Variants in PUM1 observed in about 807,000 individuals in gnomAD.
PUM1 encodes the protein pumilio RNA binding family member 1.
A neutral mutation model predicts 131.8 loss-of-function variants in PUM1; 13 were observed. The ratio of observed to expected loss-of-function variants is 0.10; its 90% CI spans 0.06 to 0.16. PUM1 has a LOEUF of 0.16. Among genes scored for constraint, PUM1 ranks in the 10% least tolerant of loss-of-function variants. The probability of loss-of-function intolerance (pLI) is 1.00; values close to 1 mark genes in which losing one functional copy is unlikely to be tolerated. For missense variants in PUM1, 961 were observed against 1,512.4 expected, an observed-to-expected ratio of 0.64 and a Z score of 6.05; for synonymous variants, 509 against 556.5, an observed-to-expected ratio of 0.91 and a Z score of 1.20.
At chr1:30,939,234 T>TC (rs1639348068) in intron 20 of PUM1, among the ~76,000 whole-genome samples, 1 of 152,210 alleles carries the variant, frequency 6.6e-6, no homozygotes, top group Non-Finnish European at 1.5e-5. Context: ...AGAAGTGCCC[T>TC]CCACTCCTGT....
chr1:30,958,870 T>A (rs1478240357), intron 14 of PUM1, among the ~76,000 whole-genome samples: 1 of 152,162 alleles, frequency 6.6e-6, no homozygotes, highest in Non-Finnish European at 1.5e-5. Context: ...AAATAAATAC[T>A]TGCAACATCT....
chr1:31,057,730 A>T (rs886513286), intron 2 of PUM1, among the ~76,000 whole-genome samples: 22 of 151,058 alleles, frequency 1.5e-4, no homozygotes, highest in Admixed American at 9.2e-4. Context: ...ATCTCAAAAA[A>T]AAAAAAAAAA....
intron 2 of PUM1, among the ~76,000 whole-genome samples, chr1:31,048,739 G>A (rs1328018084): frequency 6.6e-6 from 1 of 151,952 alleles, no homozygotes; most frequent in Non-Finnish European, 1.5e-5. Context: ...CTCCCAAAGT[G>A]CTGCGATTAC....
At chr1:31,048,482 ATTTT>A (rs1004083689) in intron 2 of PUM1, among the ~76,000 whole-genome samples, 1 of 141,678 alleles carries the variant, frequency 7.1e-6, no homozygotes, top group Non-Finnish European at 1.6e-5. Flanking sequence ...TATTTTTTTT[ATTTT>A]TTTTTTGAGA....
intron 9 of PUM1, among the ~76,000 whole-genome samples, chr1:30,977,115 C>T (rs1041038317): frequency 2.0e-5 from 3 of 152,168 alleles, no homozygotes; most frequent in Admixed American, 1.3e-4. Context: ...AGTTCATTTA[C>T]GTTTCATATA....
At chr1:30,933,470 A>ACG in intron 21 of PUM1, 128 bp from the exon 22 acceptor site, 1 of 841,436 alleles carries the variant, frequency 1.2e-6, no homozygotes, top group Non-Finnish European at 1.9e-6. Flanking sequence ...ACACACACAC[A>ACG]CACACACACA....
chr1:31,017,176 C>CA (rs1295841504), intron 3 of PUM1, among the ~76,000 whole-genome samples: 1 of 151,966 alleles, frequency 6.6e-6, no homozygotes, highest in Non-Finnish European at 1.5e-5. Flanking sequence ...TTGGAAAAAA[C>CA]AAAAAAAGCA....
chr1:31,053,430 G>A (rs1003523553), intron 2 of PUM1, among the ~76,000 whole-genome samples: 3 of 150,014 alleles, frequency 2.0e-5, no homozygotes, highest in Admixed American at 6.6e-5. Context: ...AGGGCTCTCT[G>A]CCGGGCGCAG....
chr1:31,065,649 C>G lies in PUM1; in HGVS notation c.-45G>C. 6.5e-7 allele frequency: 1 copy of G among 1,549,508 alleles called. No individual in the cohort carries two copies. Among genetic ancestry groups the G allele is most frequent in the South Asian group, 1.2e-5 (1 of 84,064 alleles). On this transcript the variant is annotated 5_prime_UTR_variant, in exon 1 of 22. Coordinates refer to ENST00000426105, the MANE Select transcript of PUM1 (RefSeq NM_001020658.2). ...CGGTAGGATGAAGATGGATTTCAGCCCCCCGATCTTCTCTCTCTGGCGCTC... is the reference window on the plus strand; with the variant it reads ...CGGTAGGATGAAGATGGATTTCAGCGCCCCGATCTTCTCTCTCTGGCGCTC...
intron 14 of PUM1, among the ~76,000 whole-genome samples, chr1:30,959,066 C>T (rs1640295858): frequency 6.6e-6 from 1 of 152,116 alleles, no homozygotes. Context: ...ATTATCAAAA[C>T]TGACTCAAGA....
chr1:30,975,417 C>G (rs1172214613), intron 9 of PUM1, among the ~76,000 whole-genome samples: 1 of 151,704 alleles, frequency 6.6e-6, no homozygotes, highest in Non-Finnish European at 1.5e-5. Flanking sequence ...ATGAGGCAAT[C>G]TCAGCTCACT....
chr1:30,998,743 C>G (rs578078760), intron 5 of PUM1, among the ~76,000 whole-genome samples: 1 of 152,214 alleles, frequency 6.6e-6, no homozygotes, highest in South Asian at 2.1e-4. Context: ...GGAATACTAC[C>G]AAAAATTTAC....
chr1:30,949,837 T>TA (rs1268206266), intron 17 of PUM1, among the ~76,000 whole-genome samples: 3 of 152,214 alleles, frequency 2.0e-5, no homozygotes, highest in African/African-American at 7.2e-5. Context: ...ATTAGTATTT[T>TA]ACCTGCTTTA....
intron 10 of PUM1, 136 bp from the exon 11 acceptor site, chr1:30,968,628 T>A: frequency 2.5e-6 from 2 of 811,248 alleles, no homozygotes; most frequent in Non-Finnish European, 3.7e-6. Context: ...GTCACAGCTG[T>A]TAGCGTATAA....
Position 30,954,799 on chromosome 1 carries a change from A to G in PUM1, c.2324-818T>C, listed in dbSNP as rs114786184. 5.1e-3 allele frequency among the ~76,000 whole-genome samples: 774 copies of G among 152,200 alleles called. 4 individuals carry two copies. The highest frequency in any genetic ancestry group is 0.032 in the East Asian group (165 of 5,166). Reference sequence around the variant, plus strand: ...TATAGCAGGCCAGGCGTGGTGGCTGATGTCTGTAAACCCAACACTTTGGGA... The same window carrying G: ...TATAGCAGGCCAGGCGTGGTGGCTGGTGTCTGTAAACCCAACACTTTGGGA... On this transcript the variant is annotated intron_variant, in intron 14 of 21. Transcript: ENST00000426105.
chr1:30,963,576 T>TA (rs1640505925), intron 14 of PUM1, among the ~76,000 whole-genome samples: 1 of 152,220 alleles, frequency 6.6e-6, no homozygotes, highest in Admixed American at 6.5e-5. Flanking sequence ...TCTATTACCC[T>TA]ACCCACTTCA....
At chr1:31,037,879 C>T (rs546672582) in intron 2 of PUM1, among the ~76,000 whole-genome samples, 32 of 151,638 alleles carry the variant, frequency 2.1e-4, no homozygotes, top group Non-Finnish European at 3.5e-4. Context: ...GTCAGCAGAC[C>T]ATCCTGGCTA....
intron 2 of PUM1, among the ~76,000 whole-genome samples, chr1:31,046,866 C>A (rs1643981267): frequency 6.6e-6 from 1 of 152,014 alleles, no homozygotes; most frequent in African/African-American, 2.4e-5. Flanking sequence ...CAATCACTGA[C>A]CCCACCACTT....
At chr1:30,966,482 A>C in intron 12 of PUM1, 1 of 550,622 alleles carries the variant, frequency 1.8e-6, no homozygotes, top group Non-Finnish European at 3.1e-6. Flanking sequence ...ATACCACTAG[A>C]ACAAGTTCAC....
Sources: gnomAD v4.1 joint callset for allele counts (sites outside exome capture counted in the v4.1 genomes callset) on GRCh38, gnomAD v4.1.1 for gene constraint, MANE v1.5 for transcripts, NCBI Gene and HGNC (gene_info 2026-07-23, HGNC 2026-07-21) for gene names.